The following GPC5 variants were observed in gnomAD, a reference collection of about 807,000 sequenced individuals.
The protein encoded by GPC5 is glypican 5.
Under a neutral mutation model 53.9 loss-of-function variants are expected in GPC5, and 47 were observed. The observed-to-expected ratio is 0.87, with a 90% CI of 0.69 to 1.11. The LOEUF (loss-of-function observed/expected upper bound fraction) is 1.11, where lower values mean the gene tolerates loss of function less well. Ranked by LOEUF, GPC5 falls within the 50% of genes most tolerant of loss-of-function variation. The pLI is 0.00. For synonymous variants in GPC5, 286 were observed against 263.3 expected, an observed-to-expected ratio of 1.09 and a Z score of -0.84; for missense variants, 748 against 713.1, an observed-to-expected ratio of 1.05 and a Z score of -0.56.
At chr13:91,959,832 T>C (rs1473824442) in intron 6 of GPC5, among the ~76,000 whole-genome samples, 2 of 152,024 alleles carry the variant, frequency 1.3e-5, no homozygotes. Context: ...TCATGCATCA[T>C]ATCAACAGAA....
Position 92,124,248 on chromosome 13 carries a change from G to GAAAAAAAA in GPC5, c.1402-20564_1402-20557dup, listed in dbSNP as rs34042033. Among the ~76,000 whole-genome samples the GAAAAAAAA allele has an allele frequency of 4.8e-3, 265 of 54,776 alleles. 1 individual carries two copies. The highest frequency in any genetic ancestry group is 9.8e-3 in the Admixed American group (43 of 4,378). The allele number at this position is 54,776 out of a possible 152,430, so 35.9% of individuals were successfully genotyped here. On this transcript the variant is annotated intron_variant, in intron 6 of 7. Transcript: ENST00000377067. ...CTCCCATCTTAACTCCGGACAGAAT[G>GAAAAAAAA]AAAAAAAAAAAAAAAAAAAAAAAAA...
chr13:92,006,691 G>A (rs1012945962), intron 6 of GPC5, among the ~76,000 whole-genome samples: 2 of 152,084 alleles, frequency 1.3e-5, no homozygotes, highest in Non-Finnish European at 2.9e-5. Flanking sequence ...AAAGATGCTT[G>A]TATTTCTCAG....
At chr13:92,698,971 T>C (rs914019034) in intron 7 of GPC5, among the ~76,000 whole-genome samples, 9 of 152,106 alleles carry the variant, frequency 5.9e-5, no homozygotes, top group Non-Finnish European at 1.0e-4. Context: ...TAGGGATAGC[T>C]GTTGTTTAGA....
At chr13:92,507,019 TC>T (rs577128569) in intron 7 of GPC5, among the ~76,000 whole-genome samples, 1 of 152,318 alleles carries the variant, frequency 6.6e-6, no homozygotes, top group South Asian at 2.1e-4. Flanking sequence ...ATTCCCTAAA[TC>T]TATGCATTTC....
At chr13:92,580,658 A>C (rs1883341825) in intron 7 of GPC5, among the ~76,000 whole-genome samples, 1 of 152,144 alleles carries the variant, frequency 6.6e-6, no homozygotes, top group African/African-American at 2.4e-5. Flanking sequence ...AAGTGGGAGA[A>C]GACACATCAC....
chr13:91,714,112 A>T (rs569012939), intron 3 of GPC5, among the ~76,000 whole-genome samples: 1 of 152,158 alleles, frequency 6.6e-6, no homozygotes, highest in Non-Finnish European at 1.5e-5. Context: ...AATCATCAAG[A>T]CTATTTATCT....
chr13:91,819,988 C>T (rs191164095), intron 5 of GPC5, among the ~76,000 whole-genome samples: 9 of 152,172 alleles, frequency 5.9e-5, no homozygotes, highest in Middle Eastern at 3.4e-3. Flanking sequence ...CTAATATTTA[C>T]GGACTATTTG....
At chr13:91,401,767 A>G (rs1876971561) in intron 1 of GPC5, among the ~76,000 whole-genome samples, 1 of 152,180 alleles carries the variant, frequency 6.6e-6, no homozygotes, top group Non-Finnish European at 1.5e-5. Context: ...TAAAATTGTG[A>G]GAGCAGTGAT....
chr13:92,779,424 A>G (rs1304326539), intron 7 of GPC5, among the ~76,000 whole-genome samples: 3 of 152,122 alleles, frequency 2.0e-5, no homozygotes, highest in African/African-American at 7.2e-5. Context: ...GGAATAAAGC[A>G]ATTTCAAATT....
intron 7 of GPC5, among the ~76,000 whole-genome samples, chr13:92,423,381 C>T (rs940781629): frequency 6.6e-6 from 1 of 152,094 alleles, no homozygotes; most frequent in Non-Finnish European, 1.5e-5. Flanking sequence ...AACTGTTTCT[C>T]CTAATTTATT....
At chr13:92,104,686 A>G (rs1452722269) in intron 6 of GPC5, among the ~76,000 whole-genome samples, 3 of 152,130 alleles carry the variant, frequency 2.0e-5, no homozygotes, top group Non-Finnish European at 2.9e-5. Flanking sequence ...TTGAAATTGT[A>G]CCTGAAGAGT....
chr13:91,711,813 G>T (rs1459232230), intron 3 of GPC5, among the ~76,000 whole-genome samples: 1 of 152,076 alleles, frequency 6.6e-6, no homozygotes, highest in East Asian at 1.9e-4. Flanking sequence ...TTCGGGTTTG[G>T]GTCACAGCAA....
At chr13:92,166,950 TCTCTCTCACACACACACA>T (rs755445805) in intron 7 of GPC5, among the ~76,000 whole-genome samples, 56 of 57,606 alleles carry the variant, frequency 9.7e-4, no homozygotes, top group East Asian at 3.6e-3. Flanking sequence ...TCTCTCTCTC[TCTCTCTCACACACACACA>T]CACACACACA....
intron 5 of GPC5, among the ~76,000 whole-genome samples, chr13:91,821,119 A>T (rs542834343): frequency 1.3e-5 from 2 of 152,338 alleles, no homozygotes; most frequent in East Asian, 3.9e-4. Flanking sequence ...CAATGAACAT[A>T]GTATGCAGCT....
At chr13:92,419,798 C>A (rs1876480658) in intron 7 of GPC5, among the ~76,000 whole-genome samples, 1 of 152,240 alleles carries the variant, frequency 6.6e-6, no homozygotes, top group Non-Finnish European at 1.5e-5. Flanking sequence ...GGATCCCACT[C>A]ATTTTCTTTC....
intron 7 of GPC5, among the ~76,000 whole-genome samples, chr13:92,533,640 G>A (rs1017285868): frequency 6.6e-6 from 1 of 152,076 alleles, no homozygotes; most frequent in South Asian, 2.1e-4. Flanking sequence ...GCCCCATAGC[G>A]TTAAATAGAG....
intron 2 of GPC5, among the ~76,000 whole-genome samples, chr13:91,586,134 C>T (rs758941840): frequency 7.9e-5 from 12 of 151,064 alleles, no homozygotes; most frequent in African/African-American, 2.9e-4. Flanking sequence ...ATTAATTGCA[C>T]GATTCTGCTT....
At chr13:92,298,360 A>C (rs980148435) in intron 7 of GPC5, among the ~76,000 whole-genome samples, 2 of 152,078 alleles carry the variant, frequency 1.3e-5, no homozygotes, top group Non-Finnish European at 2.9e-5. Flanking sequence ...AATCAGTTCA[A>C]ATTGTTACAA....
chr13:92,730,624 G>A (rs565690957), intron 7 of GPC5, among the ~76,000 whole-genome samples: 1 of 150,874 alleles, frequency 6.6e-6, no homozygotes, highest in African/African-American at 2.4e-5. Context: ...GCAAGCGGAT[G>A]TCCAATTGTT....
Sources: gnomAD v4.1 joint callset for allele counts (sites outside exome capture counted in the v4.1 genomes callset) on GRCh38, gnomAD v4.1.1 for gene constraint, MANE v1.5 for transcripts, NCBI Gene and HGNC (gene_info 2026-07-23, HGNC 2026-07-21) for gene names.